TEX11: variants seen among roughly 807,000 people sequenced by gnomAD.
The protein encoded by TEX11 is testis expressed 11.
Under a neutral mutation model 84.4 loss-of-function variants are expected in TEX11, and 7 were observed. The observed-to-expected ratio is 0.08, with a 90% CI of 0.05 to 0.16. TEX11 has a LOEUF of 0.16. Among genes scored for constraint, TEX11 ranks in the 10% least tolerant of loss-of-function variants. The pLI, the probability that TEX11 is intolerant of heterozygous loss-of-function variation, is 1.00. For missense variants in TEX11, 551 were observed against 660.5 expected, an observed-to-expected ratio of 0.83 and a Z score of 1.82; for synonymous variants, 264 against 222.8, an observed-to-expected ratio of 1.18 and a Z score of -1.64.
intron 11 of TEX11, among the ~76,000 whole-genome samples, chrX:70,729,976 C>A (rs1021281530): frequency 1.8e-5 from 2 of 112,327 alleles, no homozygotes; most frequent in Non-Finnish European, 3.8e-5. Flanking sequence ...AGAAACTCTA[C>A]AAGCCAGAAG....
At chrX:70,698,287 C>T (rs1399632804) in intron 13 of TEX11, among the ~76,000 whole-genome samples, 1 of 110,904 alleles carries the variant, frequency 9.0e-6, no homozygotes, top group Non-Finnish European at 1.9e-5. Flanking sequence ...TCTATCTAAC[C>T]TTCAGTTTAA....
chrX:70,712,447 T>G (rs367600942), intron 13 of TEX11, among the ~76,000 whole-genome samples: 59 of 111,302 alleles, frequency 5.3e-4, no homozygotes, highest in South Asian at 7.6e-4. Flanking sequence ...CCATTTGTTT[T>G]TATCCTCTTT....
At chrX:70,897,679 A>AAG (rs1556242228) in intron 2 of TEX11, 10 of 75,714 alleles carry the variant, frequency 1.3e-4, no homozygotes, top group South Asian at 7.7e-4. Flanking sequence ...CAAAGAAAGA[A>AAG]AAAGAAAGAA....
At chrX:70,630,930 T>C (rs923516704) in intron 17 of TEX11, among the ~76,000 whole-genome samples, 4 of 112,405 alleles carry the variant, frequency 3.6e-5, no homozygotes, top group Non-Finnish European at 7.5e-5. Flanking sequence ...AATAAAAGGT[T>C]ATTTCAAGAC....
At chrX:70,523,313 G>C in the TEX11 span, among the ~76,000 whole-genome samples, 3 of 110,662 alleles carry the variant, frequency 2.7e-5, no homozygotes, top group African/African-American at 9.9e-5. Context: ...TGGTAAGTAA[G>C]AAAGCACCAA....
At chrX:70,520,693 C>G in the TEX11 span, among the ~76,000 whole-genome samples, 1 of 112,407 alleles carries the variant, frequency 8.9e-6, no homozygotes, top group Non-Finnish European at 1.9e-5. Context: ...GAGTTTAAGT[C>G]TGCAGAAGTT....
At chrX:70,670,124 C>T (rs776953559) in intron 16 of TEX11, among the ~76,000 whole-genome samples, 1 of 111,985 alleles carries the variant, frequency 8.9e-6, no homozygotes, top group South Asian at 3.7e-4. Flanking sequence ...GATATATTAC[C>T]TTTCAGAATA....
intron 9 of TEX11, among the ~76,000 whole-genome samples, chrX:70,759,791 G>C (rs1363449163): frequency 9.0e-6 from 1 of 111,383 alleles, no homozygotes; most frequent in Non-Finnish European, 1.9e-5. Context: ...AAGAAATAAA[G>C]AGTATTCAAT....
chrX:70,568,797 C>T (rs1337628227), intron 25 of TEX11, among the ~76,000 whole-genome samples: 4 of 111,430 alleles, frequency 3.6e-5, no homozygotes, highest in South Asian at 7.6e-4. Flanking sequence ...ATGGGCTTCC[C>T]TTTGTGGGTA....
At chrX:70,733,682 AG>A (rs2090672800) in intron 11 of TEX11, among the ~76,000 whole-genome samples, 1 of 111,857 alleles carries the variant, frequency 8.9e-6, no homozygotes, top group African/African-American at 3.3e-5. Context: ...GTGAAAAAAT[AG>A]GAACACTTTT....
At chrX:70,736,372 T>C (rs2090696065) in intron 11 of TEX11, among the ~76,000 whole-genome samples, 1 of 110,811 alleles carries the variant, frequency 9.0e-6, no homozygotes, top group Non-Finnish European at 1.9e-5. Context: ...CTGAACAAGA[T>C]ATAAAAAGCA....
intron 9 of TEX11, among the ~76,000 whole-genome samples, chrX:70,776,689 A>G (rs774538628): frequency 9.0e-6 from 1 of 111,663 alleles, no homozygotes; most frequent in African/African-American, 3.3e-5. Context: ...CTCACTCAGA[A>G]GTGGGAGCTA....
intron 16 of TEX11, among the ~76,000 whole-genome samples, chrX:70,656,270 T>G (rs1399157253): frequency 2.2e-5 from 1 of 45,421 alleles, no homozygotes; most frequent in Admixed American, 2.2e-4. Flanking sequence ...ACAAAAAAAT[T>G]TTTTTAAATT....
intron 25 of TEX11, among the ~76,000 whole-genome samples, chrX:70,587,810 G>A (rs886296282): frequency 1.7e-4 from 19 of 112,356 alleles, no homozygotes; most frequent in Non-Finnish European, 2.4e-4. Flanking sequence ...CTCAATGCCA[G>A]CCCGTGAAAG....
chrX:70,883,460 C>T (rs2091693511), intron 2 of TEX11, among the ~76,000 whole-genome samples: 1 of 111,086 alleles, frequency 9.0e-6, no homozygotes, highest in Admixed American at 9.6e-5. Context: ...GTAGCCCACA[C>T]CTGTGGTCCC....
intron 2 of TEX11, among the ~76,000 whole-genome samples, chrX:70,888,129 T>C (rs1032841344): frequency 1.8e-5 from 2 of 112,575 alleles, no homozygotes; most frequent in African/African-American, 3.2e-5. Flanking sequence ...ACAGTAAAGA[T>C]TGCAATAAAG....
chrX:70,731,532 G>C (rs1396145582), intron 11 of TEX11, among the ~76,000 whole-genome samples: 7 of 111,569 alleles, frequency 6.3e-5, no homozygotes, highest in African/African-American at 2.3e-4. Context: ...ACACCTCCAC[G>C]CAAATAAACT....
intron 9 of TEX11, among the ~76,000 whole-genome samples, chrX:70,747,344 G>T (rs1229702287): frequency 8.9e-6 from 1 of 112,091 alleles, no homozygotes; most frequent in Admixed American, 9.5e-5. Context: ...AAAATTCTGA[G>T]CAGGAATATT....
chrX:70,516,159 C>A, the TEX11 span, among the ~76,000 whole-genome samples: 3 of 109,153 alleles, frequency 2.7e-5, no homozygotes, highest in Admixed American at 9.8e-5. Context: ...GCTTTTGTTG[C>A]CATTGCTTTT....
Sources: allele counts gnomAD v4.1 joint callset (sites outside exome capture counted in the v4.1 genomes callset), GRCh38; gene constraint gnomAD v4.1.1; transcripts MANE v1.5; gene names NCBI Gene and HGNC (gene_info 2026-07-23, HGNC 2026-07-21).